RERE: variants seen among roughly 807,000 people sequenced by gnomAD.
RERE encodes arginine-glutamic acid dipeptide repeats protein.
A neutral mutation model predicts 146.1 loss-of-function variants in RERE; 40 were observed. The observed-to-expected ratio is 0.27, with a 90% CI of 0.21 to 0.36. The LOEUF (loss-of-function observed/expected upper bound fraction) is 0.36, where lower values mean the gene tolerates loss of function less well. RERE is among the 10% of genes least tolerant of loss of function. The pLI is 1.00. For synonymous variants in RERE, 1,003 were observed against 866.0 expected, an observed-to-expected ratio of 1.16 and a Z score of -2.78; for missense variants, 1,933 against 2,138.7, an observed-to-expected ratio of 0.90 and a Z score of 1.90.
At chr1:8,355,816 C>T (rs1641267463) in intron 21 of RERE, among the ~76,000 whole-genome samples, 1 of 152,082 alleles carries the variant, frequency 6.6e-6, no homozygotes, top group African/African-American at 2.4e-5. Flanking sequence ...CCTGGCCCCT[C>T]CTCCAAGGCC....
At chr1:8,370,704 A>G (rs1188749253) in intron 12 of RERE, among the ~76,000 whole-genome samples, 3 of 152,214 alleles carry the variant, frequency 2.0e-5, no homozygotes, top group Non-Finnish European at 4.4e-5. Flanking sequence ...CTCTGGTTCT[A>G]CAAATAGGGA....
chr1:8,724,684 C>G (rs1344354292), intron 1 of RERE, among the ~76,000 whole-genome samples: 1 of 152,018 alleles, frequency 6.6e-6, no homozygotes, highest in Non-Finnish European at 1.5e-5. Context: ...CAAAAATTAG[C>G]TGGGTGTGGT....
At chr1:8,514,647 G>A (rs1255012817) in intron 7 of RERE, among the ~76,000 whole-genome samples, 2 of 151,944 alleles carry the variant, frequency 1.3e-5, no homozygotes, top group Non-Finnish European at 2.9e-5. Context: ...AGAACTGCTT[G>A]AACCCGGGAG....
At chr1:8,496,831 C>T (rs1645052819) in intron 9 of RERE, among the ~76,000 whole-genome samples, 1 of 152,224 alleles carries the variant, frequency 6.6e-6, no homozygotes, top group South Asian at 2.1e-4. Context: ...CACTAATGAA[C>T]AGCCACAAAG....
At chr1:8,682,497 T>C (rs1226639571) in intron 1 of RERE, among the ~76,000 whole-genome samples, 1 of 152,206 alleles carries the variant, frequency 6.6e-6, no homozygotes, top group Non-Finnish European at 1.5e-5. Context: ...ATCTGTCCAG[T>C]TCAGTTTTAC....
intron 2 of RERE, 151 bp downstream of exon 2, chr1:8,655,822 A>G: frequency 1.4e-6 from 2 of 1,409,996 alleles, no homozygotes; most frequent in Admixed American, 2.3e-5. Flanking sequence ...TAACTGACCA[A>G]AAGTGGGTCA....
intron 1 of RERE, among the ~76,000 whole-genome samples, chr1:8,739,069 T>C (rs1212435919): frequency 1.3e-5 from 2 of 152,180 alleles, no homozygotes; most frequent in East Asian, 1.9e-4. Context: ...AGAAACTACA[T>C]GGTAATTTGA....
At chr1:8,667,800 T>C (rs1234508942) in intron 1 of RERE, among the ~76,000 whole-genome samples, 1 of 152,260 alleles carries the variant, frequency 6.6e-6, no homozygotes, top group Non-Finnish European at 1.5e-5. Flanking sequence ...TGCCAACAGT[T>C]GTGTCTCTTC....
At position 8,356,187 on chromosome 1, in the gene RERE, G is replaced by A. The variant is rs1474891926; in HGVS notation, c.4399C>T (p.Arg1467Cys). Residue 1467 changes from arginine to cysteine, a missense_variant, in exon 21 of 23, where the codon CGC becomes TGC. Arg to Cys is a radical substitution (Grantham distance 180, BLOSUM62 -3). This residue lies in a region of RERE where 133 missense variants were observed against 168.6 expected (regional missense o/e 0.79). Transcript: ENST00000400908. This position sits in a 1 kb window ranked among gnomAD's most constrained non-coding sequence, Gnocchi z 5.2. ...AGAGTGCCAGGCGGGTAGGGGAAGCGAGCCAGGTGGGGACCGGCAGTCAGG... is the reference window on the plus strand; with the variant it reads ...AGAGTGCCAGGCGGGTAGGGGAAGCAAGCCAGGTGGGGACCGGCAGTCAGG... ...DPLTAGPHLA[R>C]FPYPPGTLPN... 9 of 1,520,958 alleles carry A rather than the reference G, an allele frequency of 5.9e-6. No individual in the cohort carries two copies. The highest frequency in any genetic ancestry group is 7.9e-6 in the Non-Finnish European group (9 of 1,145,112). 94.2% of individuals were successfully genotyped at this position (1,520,958 alleles called of 1,614,324 possible).
At chr1:8,459,876 G>A (rs1452349038) in intron 11 of RERE, among the ~76,000 whole-genome samples, 1 of 152,100 alleles carries the variant, frequency 6.6e-6, no homozygotes, top group East Asian at 1.9e-4. Flanking sequence ...ATTTTTGAAT[G>A]ACTACATAAA....
chr1:8,714,086 T>TA (rs1483893194), intron 1 of RERE, among the ~76,000 whole-genome samples: 1 of 152,232 alleles, frequency 6.6e-6, no homozygotes, highest in Non-Finnish European at 1.5e-5. Flanking sequence ...CATAAATGGC[T>TA]AATACCACAA....
At position 8,665,201 on chromosome 1, in the gene RERE, G is replaced by A. The variant is rs569025196; in HGVS notation, c.-144-8760C>T. 7.2e-5 allele frequency among the ~76,000 whole-genome samples: 11 copies of A among 152,244 alleles called. No homozygotes were observed. The East Asian group carries it at 1.9e-3, about 27-fold the overall frequency. On this transcript the variant is annotated intron_variant, in intron 1 of 22. Coordinates refer to ENST00000400908, the MANE Select transcript of RERE (RefSeq NM_001042681.2). ...CTTCAAGTCATAGCTCAACAGCAACGTCCTGAGGATAGCTTTCTTGTTCAA... is the reference window on the plus strand; with the variant it reads ...CTTCAAGTCATAGCTCAACAGCAACATCCTGAGGATAGCTTTCTTGTTCAA...
Position 8,643,169 on chromosome 1 carries a change from T to C in RERE, c.325+12804A>G, listed in dbSNP as rs75508536. Among the ~76,000 whole-genome samples the C allele has an allele frequency of 5.9e-3, 902 of 152,276 alleles. 7 individuals carry two copies. Among genetic ancestry groups the C allele is most frequent in the African/African-American group, 0.021 (877 of 41,562 alleles). On this transcript the variant is annotated intron_variant, in intron 2 of 22. Coordinates refer to ENST00000400908, the MANE Select transcript of RERE (RefSeq NM_001042681.2). ...CTAGTGGGCTCAAACAATTTCTGGA[T>C]CAATTGGCCCCAGGAAGGTGGAAAG... is the stretch of plus-strand genomic sequence containing the variant.
At chr1:8,521,229 C>CAA (rs1305204184) in intron 7 of RERE, among the ~76,000 whole-genome samples, 4 of 145,638 alleles carry the variant, frequency 2.7e-5, no homozygotes, top group African/African-American at 5.1e-5. Flanking sequence ...CATAAACACT[C>CAA]AAAGAGAGTA....
intron 7 of RERE, among the ~76,000 whole-genome samples, chr1:8,509,950 G>C (rs1252115023): frequency 2.6e-5 from 4 of 152,192 alleles, no homozygotes; most frequent in African/African-American, 9.7e-5. Context: ...GGGCACCTGG[G>C]CCCAGTACTT....
chr1:8,394,477 G>C (rs1371474536), intron 12 of RERE, among the ~76,000 whole-genome samples: 1 of 152,200 alleles, frequency 6.6e-6, no homozygotes, highest in Non-Finnish European at 1.5e-5. Flanking sequence ...CCATTTTATA[G>C]ATGAGAAAAC....
At position 8,559,376 on chromosome 1, in the gene RERE, G is replaced by A. The variant is rs189459151; in HGVS notation, c.523-1853C>T. ...AGATTCTTTTTTTGCATTTAACTGT[G>A]CCAAATACACATGCCTACAAAAATA... On this transcript the variant is annotated intron_variant, in intron 4 of 22. Coordinates refer to ENST00000400908, the MANE Select transcript of RERE (RefSeq NM_001042681.2). 4.1e-3 allele frequency among the ~76,000 whole-genome samples: 608 copies of A among 150,086 alleles called. 2 individuals carry two copies. The highest frequency in any genetic ancestry group is 0.028 in the Middle Eastern group (8 of 284).
intron 10 of RERE, among the ~76,000 whole-genome samples, chr1:8,480,132 T>TGG (rs1644813090): frequency 6.1e-5 from 7 of 115,218 alleles, no homozygotes; most frequent in East Asian, 2.7e-4. Context: ...TTTTTTGTTT[T>TGG]TTTTTTTTTT....
intron 12 of RERE, among the ~76,000 whole-genome samples, chr1:8,379,780 G>C (rs1299064021): frequency 6.6e-6 from 1 of 152,162 alleles, no homozygotes; most frequent in African/African-American, 2.4e-5. Flanking sequence ...AGATGATGGG[G>C]CTAACTCCCC....
Sources: gnomAD v4.1 joint callset for allele counts (sites outside exome capture counted in the v4.1 genomes callset) on GRCh38, gnomAD v4.1.1 for gene constraint, gnomAD v4.1.1 regional missense constraint, Gnocchi (gnomAD v3.1) non-coding constraint, MANE v1.5 for transcripts, NCBI Gene and HGNC (gene_info 2026-07-23, HGNC 2026-07-21) for gene names.